Variants in ZNF284 observed in about 807,000 individuals in gnomAD.
ZNF284 encodes the protein zinc finger protein 284.
In ZNF284, 12 loss-of-function variants were observed where a neutral mutation model predicts 12.9. The observed-to-expected ratio is 0.93, with a 90% CI of 0.60 to 1.51. The LOEUF (loss-of-function observed/expected upper bound fraction) is 1.51, where lower values mean the gene tolerates loss of function less well. ZNF284 is among the 40% of genes most tolerant of loss of function. The probability of loss-of-function intolerance (pLI) is 0.00; values close to 1 mark genes in which losing one functional copy is unlikely to be tolerated. For missense variants in ZNF284, 667 were observed against 707.3 expected, an observed-to-expected ratio of 0.94 and a Z score of 0.65; for synonymous variants, 225 against 236.5, an observed-to-expected ratio of 0.95 and a Z score of 0.45.
chr19:44,087,551 T>C lies in ZNF284; in HGVS notation c.*291T>C, dbSNP rs1967281911. On this transcript the variant is annotated 3_prime_UTR_variant, in exon 5 of 5. Coordinates refer to ENST00000421176, the MANE Select transcript of ZNF284 (RefSeq NM_001037813.4). ...ATCTTTCATCATCCACCCTCTCTCCTACTTTTCCCTTCTAGTAATTGCTAT... is the reference window on the plus strand; with the variant it reads ...ATCTTTCATCATCCACCCTCTCTCCCACTTTTCCCTTCTAGTAATTGCTAT... 5.7e-6 allele frequency: 1 copy of C among 174,242 alleles called. No homozygotes were observed. Among genetic ancestry groups the C allele is most frequent in the Non-Finnish European group, 1.2e-5 (1 of 83,028 alleles). 10.8% of individuals were successfully genotyped at this position (174,242 alleles called of 1,614,324 possible). A position where few individuals can be genotyped will look rare whatever the true frequency, so the allele number is the denominator to read the frequency against.
intron 2 of ZNF284, 52 bp downstream of exon 2, chr19:44,076,456 A>T (rs897571340): frequency 1.3e-6 from 2 of 1,581,036 alleles, no homozygotes; most frequent in Non-Finnish European, 1.7e-6. Flanking sequence ...GCTACTTAAG[A>T]TTGTCACATG....
Position 44,082,180 on chromosome 19 carries a change from A to G in ZNF284, c.235+75A>G, listed in dbSNP as rs1417828914. 7.3e-6 allele frequency: 9 copies of G among 1,240,800 alleles called. No homozygotes were observed. The East Asian group carries it at 1.4e-4, about 20-fold the overall frequency. 76.9% of individuals were successfully genotyped at this position (1,240,800 alleles called of 1,614,324 possible). ...TTACTTCTGTCCATTGCCCAACTCC[A>G]TTGCCCTGGTATAAATGGCCAAACC... On this transcript the variant is annotated intron_variant, in intron 4 of 4. Transcript: ENST00000421176.
chr19:44,076,604 A>C (rs1415534379), intron 2 of ZNF284, among the ~76,000 whole-genome samples, 200 bp downstream of exon 2: 3 of 152,146 alleles, frequency 2.0e-5, no homozygotes, highest in African/African-American at 7.2e-5. Flanking sequence ...TATTTATGTT[A>C]TGAGTAGAAA....
chr19:44,081,942 A>C, intron 3 of ZNF284, 71 bp from the exon 4 acceptor site: 1 of 1,242,164 alleles, frequency 8.1e-7, no homozygotes, highest in Non-Finnish European at 1.2e-6. Flanking sequence ...TCGAGTGTGC[A>C]GTGAGAACCT....
intron 2 of ZNF284, 150 bp from the exon 3 acceptor site, chr19:44,080,865 C>T: frequency 9.4e-7 from 1 of 1,064,758 alleles, no homozygotes; most frequent in Non-Finnish European, 1.3e-6. Flanking sequence ...TGCGAGGATA[C>T]AGACAGAATG....
Position 44,081,093 on chromosome 19 carries a change from C to G in ZNF284, c.94C>G (p.Leu32Val), listed in dbSNP as rs746578337. ...GCTGCTGGACGTTTCCCAGAGGAAG[C>G]TGTATCGAGATGTCATGCTGGAGAA... The part of the protein sequence containing the change: ...LGLLDVSQRK[L>V]YRDVMLENFR... Residue 32 changes from leucine to valine, a missense_variant, in exon 3 of 5, where the codon CTG (leucine) becomes GTG (valine). Coordinates refer to ENST00000421176, the MANE Select transcript of ZNF284 (RefSeq NM_001037813.4). 6.2e-7 allele frequency: 1 copy of G among 1,613,052 alleles called. No individual in the cohort carries two copies. Among genetic ancestry groups the G allele is most frequent in the Non-Finnish European group, 8.5e-7 (1 of 1,179,348 alleles).
intron 1 of ZNF284, among the ~76,000 whole-genome samples, chr19:44,072,607 G>A (rs141278181): frequency 1.3e-5 from 2 of 152,322 alleles, no homozygotes; most frequent in East Asian, 3.9e-4. Context: ...TAACACAAAT[G>A]AAAGCCTTAA....
intron 2 of ZNF284, among the ~76,000 whole-genome samples, chr19:44,079,945 G>A (rs575907403): frequency 6.6e-6 from 1 of 152,058 alleles, no homozygotes; most frequent in African/African-American, 2.4e-5. Flanking sequence ...AAGACAAAAA[G>A]GTAATAAAAT....
Position 44,086,591 on chromosome 19 carries a change from T to A in ZNF284, c.1113T>A (p.Tyr371Ter). 2 of 1,614,172 alleles carry A rather than the reference T, an allele frequency of 1.2e-6. No homozygotes were observed. Among genetic ancestry groups the A allele is most frequent in the Non-Finnish European group, 1.7e-6 (2 of 1,180,022 alleles). ...TGGACCATACAGGAGACAAACCATA[T>A]AATTGTAATGTATGTGGGAAGGGCT... ...HQMDHTGDKP[Y>*]NCNVCGKGFR... Residue 371 changes from tyrosine to a stop codon, truncating the protein, a stop_gained, in exon 5 of 5, where the codon TAT becomes TAA. Transcript: ENST00000421176. LOFTEE classifies it low-confidence loss of function (END_TRUNC).
chr19:44,081,914 C>A, intron 3 of ZNF284, 99 bp from the exon 4 acceptor site: 1 of 894,964 alleles, frequency 1.1e-6, no homozygotes, highest in African/African-American at 1.7e-5. Context: ...CACCGCCAAA[C>A]CATATCAGTG....
intron 1 of ZNF284, among the ~76,000 whole-genome samples, chr19:44,072,527 C>T (rs1013314233): frequency 3.3e-5 from 5 of 152,180 alleles, no homozygotes; most frequent in African/African-American, 1.2e-4. Context: ...CCCTGTACCT[C>T]CCACTGCTGT....
chr19:44,086,939 G>C lies in ZNF284; in HGVS notation c.1461G>C (p.Glu487Asp). ...HTGEKPFKCE[E>D]CGKRFTENSK... is the part of the protein sequence containing the mutation. ...GAGAAAAACCATTCAAATGTGAAGA[G>C]TGTGGGAAGAGGTTTACTGAGAATT... Residue 487 changes from glutamate (E) to aspartate (D), a missense_variant, in exon 5 of 5, where the codon GAG becomes GAC. By Grantham distance (45) the Glu-to-Asp change is conservative. Transcript: ENST00000421176. 6.2e-7 allele frequency: 1 copy of C among 1,614,214 alleles called. No individual in the cohort carries two copies. The highest frequency in any genetic ancestry group is 8.5e-7 in the Non-Finnish European group (1 of 1,180,032).
chr19:44,076,345 C>G lies in ZNF284; in HGVS notation c.-45C>G. On this transcript the variant is annotated 5_prime_UTR_variant, in exon 2 of 5. Coordinates refer to ENST00000421176, the MANE Select transcript of ZNF284 (RefSeq NM_001037813.4). Reference sequence around the variant, plus strand: ...AGGCACAATTCTGTCTTCTCTTGAACTGCATAACTGAGAACTCTGCAAATT... The same window carrying G: ...AGGCACAATTCTGTCTTCTCTTGAAGTGCATAACTGAGAACTCTGCAAATT... 1 of 1,593,680 alleles carries G rather than the reference C, an allele frequency of 6.3e-7. No individual in the cohort carries two copies. Among genetic ancestry groups the G allele is most frequent in the South Asian group, 1.1e-5 (1 of 88,760 alleles).
chr19:44,081,131 G>A lies in ZNF284; in HGVS notation c.132G>A (p.Leu44=). The change falls in exon 3 of 5, where the codon CTG becomes CTA. Residue 44 remains leucine, a synonymous_variant. Transcript: ENST00000421176. ...RDVMLENFRN[L]LSVGHQLSHR... is the part of the protein sequence containing the mutation. ...TCATGCTGGAGAACTTCAGAAACCT[G>A]CTATCAGTGGGTGAGCACAGGCACC... 6.2e-7 allele frequency: 1 copy of A among 1,611,690 alleles called. No homozygotes were observed. The highest frequency in any genetic ancestry group is 8.5e-7 in the Non-Finnish European group (1 of 1,178,532).
At position 44,089,478 on chromosome 19, in the gene ZNF284, A is replaced by G. The variant is rs1438663928; in HGVS notation, c.*2218A>G. On this transcript the variant is annotated 3_prime_UTR_variant, in exon 5 of 5. Coordinates refer to ENST00000421176, the MANE Select transcript of ZNF284 (RefSeq NM_001037813.4). Reference sequence around the variant, plus strand: ...GGAATATTTAAAGCACATACTTTTTATAGAGTGTCTCCCCTGTAATGTCTC... The same window carrying G: ...GGAATATTTAAAGCACATACTTTTTGTAGAGTGTCTCCCCTGTAATGTCTC... The G allele has an allele frequency of 1.3e-5, 2 of 152,238 alleles. No individual in the cohort carries two copies. The highest frequency in any genetic ancestry group is 2.9e-5 in the Non-Finnish European group (2 of 68,056). 9.4% of individuals were successfully genotyped at this position (152,238 alleles called of 1,614,324 possible). A position where few individuals can be genotyped will look rare whatever the true frequency, so the allele number is the denominator to read the frequency against.
At position 44,085,994 on chromosome 19, in the gene ZNF284, GA is replaced by G. The variant is rs1967231813; in HGVS notation, c.517del (p.Ile173TyrfsTer238). 1.9e-6 allele frequency: 3 copies of G among 1,614,144 alleles called. No homozygotes were observed. The East Asian group carries it at 6.7e-5, about 36-fold the overall frequency. ...TTCATCAACAATTACACTCAGGAAA[GA>G]TATCCCATACATGTAATGAGTACAG... ...DLHQQLHSGK[I>X]SHTCNEYRKR... On this transcript the variant is annotated frameshift_variant, in exon 5 of 5. Transcript: ENST00000421176. LOFTEE classifies it low-confidence loss of function (END_TRUNC).
Position 44,088,603 on chromosome 19 carries a change from A to G in ZNF284, c.*1343A>G, listed in dbSNP as rs923048639. 6.6e-6 allele frequency: 1 copy of G among 152,214 alleles called. No individual in the cohort carries two copies. Among genetic ancestry groups the G allele is most frequent in the Admixed American group, 6.5e-5 (1 of 15,278 alleles). 9.4% of individuals were successfully genotyped at this position (152,214 alleles called of 1,614,324 possible). On this transcript the variant is annotated 3_prime_UTR_variant, in exon 5 of 5. Transcript: ENST00000421176. ...ATGCATAAGAGGATCTACACTGGAG[A>G]AAAACCATGGAAGTGTGGAGATTGT...
chr19:44,081,151 G>A lies in ZNF284; in HGVS notation c.142+10G>A. ...AACCTGCTATCAGTGGGTGAGCACAGGCACCCTCTGTAATGGAACATCAGG... is the reference window on the plus strand; with the variant it reads ...AACCTGCTATCAGTGGGTGAGCACAAGCACCCTCTGTAATGGAACATCAGG... On this transcript the variant is annotated intron_variant, in intron 3 of 4. Coordinates refer to ENST00000421176, the MANE Select transcript of ZNF284 (RefSeq NM_001037813.4). 6.2e-7 allele frequency: 1 copy of A among 1,607,654 alleles called. No homozygotes were observed. Among genetic ancestry groups the A allele is most frequent in the Non-Finnish European group, 8.5e-7 (1 of 1,175,946 alleles).
At position 44,084,532 on chromosome 19, in the gene ZNF284, G is replaced by A. The variant is rs562839834; in HGVS notation, c.236-1182G>A. On this transcript the variant is annotated intron_variant, in intron 4 of 4. Coordinates refer to ENST00000421176, the MANE Select transcript of ZNF284 (RefSeq NM_001037813.4). ...CTGCTGGGGGTGAGGTAGCATTGCC[G>A]TTAGAGGCAGCAGCCCCAGACAGGC... Among the ~76,000 whole-genome samples the A allele has an allele frequency of 2.6e-4, 39 of 152,272 alleles. 1 individual carries two copies. Among genetic ancestry groups the A allele is most frequent in the East Asian group, 1.9e-4 (1 of 5,170 alleles).
Sources: gnomAD v4.1 joint callset for allele counts (sites outside exome capture counted in the v4.1 genomes callset) on GRCh38, gnomAD v4.1.1 for gene constraint, MANE v1.5 for transcripts, NCBI Gene and HGNC (gene_info 2026-07-23, HGNC 2026-07-21) for gene names.